Variants in ALCAM observed in about 807,000 individuals in gnomAD.
ALCAM encodes the protein activated leukocyte cell adhesion molecule.
A neutral mutation model predicts 70.9 loss-of-function variants in ALCAM; 30 were observed. The observed-to-expected ratio is 0.42, with a 90% CI of 0.32 to 0.57. The LOEUF (loss-of-function observed/expected upper bound fraction) is 0.57, where lower values mean the gene tolerates loss of function less well. Among genes scored for constraint, ALCAM ranks in the 20% least tolerant of loss-of-function variants. The pLI is 0.11. For missense variants in ALCAM, 591 were observed against 695.1 expected, an observed-to-expected ratio of 0.85 and a Z score of 1.68; for synonymous variants, 249 against 242.5, an observed-to-expected ratio of 1.03 and a Z score of -0.25.
intron 1 of ALCAM, among the ~76,000 whole-genome samples, chr3:105,425,647 A>G (rs2107425371): frequency 6.6e-6 from 1 of 151,988 alleles, no homozygotes; most frequent in South Asian, 2.1e-4. Context: ...TATGTTTTAA[A>G]TGTACCATGC....
rs1328566581 is a variant in ALCAM, at chr3:105,563,980, C to T, written c.1665-7872C>T. ...GGGACTACAGGCGTGAGCCACCGCG[C>T]CCGGCCCATTTCTTATTTAATTCTT... On this transcript the variant is annotated intron_variant, in intron 14 of 15. Coordinates refer to ENST00000306107, the MANE Select transcript of ALCAM (RefSeq NM_001627.4). Among the ~76,000 whole-genome samples the T allele has an allele frequency of 6.6e-5, 10 of 152,192 alleles. No individual in the cohort carries two copies. The South Asian group carries it at 1.5e-3, about 22-fold the overall frequency.
chr3:105,560,159 C>G (rs1039916227), intron 14 of ALCAM, among the ~76,000 whole-genome samples: 1 of 152,140 alleles, frequency 6.6e-6, no homozygotes, highest in African/African-American at 2.4e-5. Context: ...CAACTCCCAC[C>G]AGTCGCATAT....
chr3:105,367,459 C>T lies in ALCAM; in HGVS notation c.51C>T (p.Ile17=). 6.2e-7 allele frequency: 1 copy of T among 1,614,056 alleles called. No homozygotes were observed. Among genetic ancestry groups the T allele is most frequent in the Non-Finnish European group, 8.5e-7 (1 of 1,179,944 alleles). The part of the protein sequence containing the change: ...SSCRLLFCLL[I]SATVFRPGLG... Reference sequence around the variant, plus strand: ...GCCGTCTGCTCTTCTGCCTCTTGATCTCCGCCACCGTCTTCAGGCCAGGTG... The same window carrying T: ...GCCGTCTGCTCTTCTGCCTCTTGATTTCCGCCACCGTCTTCAGGCCAGGTG... Residue 17 remains isoleucine (I), a synonymous_variant, in exon 1 of 16, where the codon ATC becomes ATT. Coordinates refer to ENST00000306107, the MANE Select transcript of ALCAM (RefSeq NM_001627.4).
intron 1 of ALCAM, among the ~76,000 whole-genome samples, chr3:105,420,774 T>C (rs1295780154): frequency 6.6e-6 from 1 of 151,512 alleles, no homozygotes; most frequent in Non-Finnish European, 1.5e-5. Flanking sequence ...CACCTAATTA[T>C]AATGCACAGA....
At chr3:105,387,978 G>A (rs1935700137) in intron 1 of ALCAM, among the ~76,000 whole-genome samples, 1 of 151,172 alleles carries the variant, frequency 6.6e-6, no homozygotes, top group African/African-American at 2.4e-5. Context: ...CCATAATGAA[G>A]CACTAAGCAT....
At chr3:105,572,594 T>C (rs1009406108) in intron 15 of ALCAM, among the ~76,000 whole-genome samples, 1 of 152,194 alleles carries the variant, frequency 6.6e-6, no homozygotes, top group Non-Finnish European at 1.5e-5. Flanking sequence ...TTTGGCTATA[T>C]ACGCAGTAAT....
chr3:105,552,890 A>T, intron 14 of ALCAM: 2 of 1,100,690 alleles, frequency 1.8e-6, no homozygotes, highest in Non-Finnish European at 2.2e-6. Context: ...CTAAAGGTCA[A>T]CAACCATAGA....
intron 1 of ALCAM, among the ~76,000 whole-genome samples, chr3:105,396,288 TAAGGAGAG>T (rs1470679612): frequency 1.3e-5 from 2 of 151,890 alleles, no homozygotes; most frequent in African/African-American, 4.8e-5. Context: ...GTGATGATCA[TAAGGAGAG>T]AAATAGGAGG....
intron 1 of ALCAM, among the ~76,000 whole-genome samples, chr3:105,381,103 C>T (rs1438549): frequency 0.25 from 38,036 of 151,740 alleles, 5,306 homozygotes; most frequent in Admixed American, 0.44. Context: ...ATAATAGCAC[C>T]TATCTTGTAG....
At chr3:105,502,182 T>C (rs1257280983) in intron 1 of ALCAM, among the ~76,000 whole-genome samples, 1 of 152,210 alleles carries the variant, frequency 6.6e-6, no homozygotes, top group East Asian at 1.9e-4. Context: ...CCTTGTCTTA[T>C]ATCATATTAT....
At chr3:105,482,270 G>A (rs1055207996) in intron 1 of ALCAM, among the ~76,000 whole-genome samples, 2 of 151,986 alleles carry the variant, frequency 1.3e-5, no homozygotes, top group Non-Finnish European at 2.9e-5. Context: ...GTGCCATCAC[G>A]CTGGCTAATT....
chr3:105,538,053 T>G (rs1281231626), intron 6 of ALCAM, among the ~76,000 whole-genome samples: 1 of 152,134 alleles, frequency 6.6e-6, no homozygotes, highest in Admixed American at 6.6e-5. Flanking sequence ...TTTTTAATCT[T>G]CATATGTTGG....
At chr3:105,545,150 T>C (rs1295807901) in intron 8 of ALCAM, 73 bp from the exon 9 acceptor site, 2 of 1,019,170 alleles carry the variant, frequency 2.0e-6, no homozygotes, top group Non-Finnish European at 3.1e-6. Context: ...TTCTTTCATC[T>C]TTTCTTCTCC....
intron 1 of ALCAM, among the ~76,000 whole-genome samples, chr3:105,389,581 C>T (rs1935758064): frequency 6.6e-6 from 1 of 150,726 alleles, no homozygotes; most frequent in Non-Finnish European, 1.5e-5. Flanking sequence ...TTATTTTTTA[C>T]ATTTAATTTT....
chr3:105,441,116 G>A (rs965103405), intron 1 of ALCAM, among the ~76,000 whole-genome samples: 73 of 152,134 alleles, frequency 4.8e-4, no homozygotes, highest in African/African-American at 1.4e-3. Context: ...ATAATCACTC[G>A]GTTATTAACA....
intron 1 of ALCAM, among the ~76,000 whole-genome samples, chr3:105,414,625 G>A (rs952635576): frequency 2.0e-5 from 3 of 152,118 alleles, no homozygotes; most frequent in Non-Finnish European, 2.9e-5. Flanking sequence ...CTCAGAGCAT[G>A]TTCAGGGTAC....
At chr3:105,402,641 T>C (rs1307746905) in intron 1 of ALCAM, among the ~76,000 whole-genome samples, 1 of 152,074 alleles carries the variant, frequency 6.6e-6, no homozygotes, top group African/African-American at 2.4e-5. Flanking sequence ...TGGAGACCTG[T>C]ATGACTCAGC....
At chr3:105,512,006 A>C (rs1170585896) in intron 1 of ALCAM, among the ~76,000 whole-genome samples, 1 of 152,040 alleles carries the variant, frequency 6.6e-6, no homozygotes, top group Admixed American at 6.6e-5. Flanking sequence ...AAAGCAATAC[A>C]GTTCATGTAA....
intron 1 of ALCAM, among the ~76,000 whole-genome samples, chr3:105,383,181 A>G (rs1055320072): frequency 6.6e-6 from 1 of 151,620 alleles, no homozygotes; most frequent in East Asian, 1.9e-4. Context: ...TTCTTCCCTG[A>G]TCTCTCTAAG....
Sources: allele counts gnomAD v4.1 joint callset (sites outside exome capture counted in the v4.1 genomes callset), GRCh38; gene constraint gnomAD v4.1.1; transcripts MANE v1.5; gene names NCBI Gene and HGNC (gene_info 2026-07-23, HGNC 2026-07-21).